Variants in SNX18 observed in about 807,000 individuals in gnomAD.
SNX18 encodes the protein sorting nexin-18.
A neutral mutation model predicts 48.7 loss-of-function variants in SNX18; 35 were observed. The observed-to-expected ratio is 0.72, with a 90% confidence interval of 0.55 to 0.95. The LOEUF (loss-of-function observed/expected upper bound fraction) is 0.95, where lower values mean the gene tolerates loss of function less well. Ranked by LOEUF, SNX18 falls within the 40% of genes least tolerant of loss-of-function variation. The pLI is 0.00. For synonymous variants in SNX18, 492 were observed against 384.7 expected (o/e 1.28, Z -3.26); for missense variants, 824 against 871.0 (o/e 0.95, Z 0.68).
the SNX18 span, among the ~76,000 whole-genome samples, chr5:54,554,938 G>A: frequency 2.0e-5 from 3 of 152,078 alleles, no homozygotes; most frequent in South Asian, 2.1e-4. Flanking sequence ...TTCATTTATC[G>A]TCAAGGTAGG....
At chr5:54,603,265 G>A in the SNX18 span, among the ~76,000 whole-genome samples, 9 of 150,518 alleles carry the variant, frequency 6.0e-5, no homozygotes, top group African/African-American at 2.0e-4. Flanking sequence ...TTTAGAGATA[G>A]GCTATCACTC....
the SNX18 span, among the ~76,000 whole-genome samples, chr5:54,601,388 G>A: frequency 0.37 from 55,973 of 151,982 alleles, 10,452 homozygotes; most frequent in South Asian, 0.57. Context: ...GGCACTCTGA[G>A]GCCCTTTGTA....
At chr5:54,525,582 A>G (rs1762115628) in intron 1 of SNX18, among the ~76,000 whole-genome samples, 1 of 152,146 alleles carries the variant, frequency 6.6e-6, no homozygotes, top group African/African-American at 2.4e-5. Context: ...ATAAATGTAG[A>G]TGTTGTTTGG....
intron 1 of SNX18, among the ~76,000 whole-genome samples, chr5:54,531,065 T>C (rs1215194616): frequency 6.6e-6 from 1 of 152,016 alleles, no homozygotes; most frequent in African/African-American, 2.4e-5. Context: ...ACCACAGAAA[T>C]TTAAACTGCG....
the SNX18 span, among the ~76,000 whole-genome samples, chr5:54,623,000 T>C: frequency 6.6e-6 from 1 of 152,376 alleles, no homozygotes; most frequent in East Asian, 1.9e-4. Context: ...ATGCAAATCA[T>C]TTCTTGAGTG....
chr5:54,520,127 GAAGTA>G, intron 1 of SNX18: 1 of 332,730 alleles, frequency 3.0e-6, no homozygotes, highest in Non-Finnish European at 5.8e-6. Context: ...TTTACGAAGT[GAAGTA>G]ATTTCAGGAA....
At chr5:54,631,622 T>G in the SNX18 span, among the ~76,000 whole-genome samples, 1 of 152,122 alleles carries the variant, frequency 6.6e-6, no homozygotes, top group African/African-American at 2.4e-5. Flanking sequence ...AAAGATATTC[T>G]TTGCCTCTCA....
At chr5:54,584,218 T>C in the SNX18 span, among the ~76,000 whole-genome samples, 2 of 151,988 alleles carry the variant, frequency 1.3e-5, no homozygotes, top group Non-Finnish European at 2.9e-5. Context: ...ATCTGGTTAA[T>C]TTTTTATATT....
At chr5:54,586,096 T>C in the SNX18 span, among the ~76,000 whole-genome samples, 1 of 151,836 alleles carries the variant, frequency 6.6e-6, no homozygotes, top group East Asian at 1.9e-4. Context: ...CTAACCCCTG[T>C]GGAAAGAAGG....
the SNX18 span, among the ~76,000 whole-genome samples, chr5:54,571,594 C>A: frequency 6.6e-6 from 1 of 152,202 alleles, no homozygotes. Flanking sequence ...GACTTGAGAT[C>A]TTCACATTTT....
the SNX18 span, among the ~76,000 whole-genome samples, chr5:54,591,849 C>CAGGG: frequency 3.9e-5 from 6 of 152,200 alleles, no homozygotes; most frequent in Non-Finnish European, 8.8e-5. Context: ...GAGAGTCACC[C>CAGGG]TGACCCCCAA....
chr5:54,556,540 T>C, the SNX18 span, among the ~76,000 whole-genome samples: 1 of 152,228 alleles, frequency 6.6e-6, no homozygotes, highest in African/African-American at 2.4e-5. Flanking sequence ...AGGAGACTCT[T>C]ATATTAAGGT....
At chr5:54,540,218 T>C (rs1762438056) in intron 1 of SNX18, among the ~76,000 whole-genome samples, 2 of 142,984 alleles carry the variant, frequency 1.4e-5, no homozygotes, top group Non-Finnish European at 3.0e-5. Context: ...GTTCTTTTTT[T>C]TTTTCTTCTT....
chr5:54,616,454 T>C, the SNX18 span, among the ~76,000 whole-genome samples: 1 of 152,126 alleles, frequency 6.6e-6, no homozygotes, highest in Non-Finnish European at 1.5e-5. Context: ...ACATCCCAAT[T>C]TCAAAAGTAT....
the SNX18 span, among the ~76,000 whole-genome samples, chr5:54,601,837 A>G: frequency 6.6e-6 from 1 of 152,094 alleles, no homozygotes; most frequent in African/African-American, 2.4e-5. Context: ...GCTTCAGTCC[A>G]TGAGGTAACA....
At chr5:54,642,922 C>T in the SNX18 span, among the ~76,000 whole-genome samples, 1 of 152,154 alleles carries the variant, frequency 6.6e-6, no homozygotes, top group African/African-American at 2.4e-5. Flanking sequence ...CACATGTGTA[C>T]TGAACAAACA....
At chr5:54,563,314 C>T in the SNX18 span, among the ~76,000 whole-genome samples, 1 of 152,296 alleles carries the variant, frequency 6.6e-6, no homozygotes, top group Non-Finnish European at 1.5e-5. Context: ...GCTTCCAGTC[C>T]TACAAGCTCT....
At chr5:54,608,013 C>G in the SNX18 span, among the ~76,000 whole-genome samples, 1 of 152,144 alleles carries the variant, frequency 6.6e-6, no homozygotes. Context: ...ATAAGTTTTC[C>G]TTTCCCTGTG....
At chr5:54,548,270 A>G (rs932301377), downstream of SNX18, among the ~76,000 whole-genome samples, 6 of 152,194 alleles carry the variant, frequency 3.9e-5, no homozygotes, top group African/African-American at 1.4e-4. Flanking sequence ...GCCACCTGCC[A>G]AGGGAGCTTA....
Sources: gnomAD v4.1 joint callset for allele counts (sites outside exome capture counted in the v4.1 genomes callset) on GRCh38, gnomAD v4.1.1 for gene constraint, MANE v1.5 for transcripts, NCBI Gene and HGNC (gene_info 2026-07-23, HGNC 2026-07-21) for gene names.